The following APP variants were observed in gnomAD, a reference collection of about 807,000 sequenced individuals.
The protein encoded by APP is amyloid beta precursor protein.
Under a neutral mutation model 101.4 loss-of-function variants are expected in APP, and 31 were observed. That is an observed-to-expected ratio of 0.31 (90% CI 0.23 to 0.41). APP has a LOEUF of 0.41. Among genes scored for constraint, APP ranks in the 10% least tolerant of loss-of-function variants. The probability of loss-of-function intolerance (pLI) is 1.00; values close to 1 mark genes in which losing one functional copy is unlikely to be tolerated. For synonymous variants in APP, 366 were observed against 364.4 expected, an observed-to-expected ratio of 1.00 and a Z score of -0.05; for missense variants, 839 against 1,003.7, an observed-to-expected ratio of 0.84 and a Z score of 2.22.
chr21:26,094,220 T>C (rs1300641559), intron 2 of APP, among the ~76,000 whole-genome samples: 1 of 152,196 alleles, frequency 6.6e-6, no homozygotes, highest in East Asian at 1.9e-4. Flanking sequence ...CAGTTACTTT[T>C]ATTCAGAGAT....
At chr21:25,964,202 T>C (rs575943558) in intron 11 of APP, among the ~76,000 whole-genome samples, 19 of 152,296 alleles carry the variant, frequency 1.2e-4, no homozygotes, top group African/African-American at 4.3e-4. Context: ...CGCAGGAGCA[T>C]CTAGGAGTCA....
At chr21:25,984,851 A>C (rs2042578369) in intron 8 of APP, among the ~76,000 whole-genome samples, 1 of 152,246 alleles carries the variant, frequency 6.6e-6, no homozygotes, top group African/African-American at 2.4e-5. Flanking sequence ...TGTTTGAAAC[A>C]AATGAAAATG....
chr21:25,907,297 TG>T (rs1438370441), intron 14 of APP, among the ~76,000 whole-genome samples: 1 of 152,222 alleles, frequency 6.6e-6, no homozygotes. Context: ...TATAAATTAA[TG>T]CTCAAAAAAT....
rs1346981303 is a variant in APP at position 25,902,439 on chromosome 21, A to AAAATCTTTCATAACCTCTCTGGAAGCC, written c.1963+2584_1963+2585insGGCTTCCAGAGAGGTTATGAAAGATTT. The stretch of plus-strand genomic sequence containing the variant: ...AAACAGAACACACGCATGGCTTAAT[A>AAAATCTTTCATAACCTCTCTGGAAGCC]CATGTGCAGTAAATACTGCTATTCA... On this transcript the variant is annotated intron_variant, in intron 15 of 17. Coordinates refer to ENST00000346798, the MANE Select transcript of APP (RefSeq NM_000484.4). Among the ~76,000 whole-genome samples, 14 of 151,832 alleles carry AAAATCTTTCATAACCTCTCTGGAAGCC rather than the reference A, an allele frequency of 9.2e-5. No homozygotes were observed. In the East Asian group the frequency reaches 1.0e-3, roughly 11 times the overall value.
At chr21:26,040,000 TC>T (rs1403989556) in intron 5 of APP, among the ~76,000 whole-genome samples, 1 of 152,206 alleles carries the variant, frequency 6.6e-6, no homozygotes, top group Admixed American at 6.5e-5. Flanking sequence ...CAGATTTTTT[TC>T]AAATTTTGGG....
intron 11 of APP, 106 bp downstream of exon 11, chr21:25,974,964 A>G (rs1601084620): frequency 1.3e-6 from 2 of 1,508,950 alleles, no homozygotes; most frequent in African/African-American, 1.4e-5. Context: ...AACAGTGCTC[A>G]AGGCATTTCT....
chr21:25,930,296 G>A (rs1029737778), intron 13 of APP, among the ~76,000 whole-genome samples: 6 of 152,196 alleles, frequency 3.9e-5, no homozygotes, highest in Non-Finnish European at 8.8e-5. Context: ...AAGGATCCTG[G>A]GGCGGGCCCA....
At chr21:25,893,628 C>G (rs1190498022) in intron 16 of APP, among the ~76,000 whole-genome samples, 1 of 152,114 alleles carries the variant, frequency 6.6e-6, no homozygotes, top group Non-Finnish European at 1.5e-5. Flanking sequence ...CAACTGTCTT[C>G]AATTCTATGA....
At chr21:26,091,812 C>A (rs1166686523) in intron 2 of APP, among the ~76,000 whole-genome samples, 1 of 152,064 alleles carries the variant, frequency 6.6e-6, no homozygotes, top group Non-Finnish European at 1.5e-5. Context: ...ATTCCCACCT[C>A]TAGGGGCAAC....
intron 2 of APP, among the ~76,000 whole-genome samples, chr21:26,105,697 G>T (rs2256331): frequency 0.44 from 67,498 of 151,980 alleles, 16,764 homozygotes; most frequent in East Asian, 0.61. Flanking sequence ...GAGAATTCAA[G>T]ATGCACAATT....
At chr21:26,167,947 G>C (rs1181687472) in intron 1 of APP, among the ~76,000 whole-genome samples, 1 of 152,122 alleles carries the variant, frequency 6.6e-6, no homozygotes, top group Non-Finnish European at 1.5e-5. Flanking sequence ...TTACTATTCT[G>C]TGTGTCGGCT....
chr21:26,141,814 T>C (rs547930257), intron 1 of APP, among the ~76,000 whole-genome samples: 1 of 152,290 alleles, frequency 6.6e-6, no homozygotes, highest in South Asian at 2.1e-4. Flanking sequence ...AAAGAAATAA[T>C]ATCAACAGTT....
chr21:25,894,903 G>GCAGC (rs1033981032), intron 16 of APP, among the ~76,000 whole-genome samples: 1 of 152,134 alleles, frequency 6.6e-6, no homozygotes, highest in African/African-American at 2.4e-5. Flanking sequence ...GTCAATCGAT[G>GCAGC]CAGCAAACTT....
In APP at chr21:26,084,528, G is replaced by A. The variant is rs2061665959; in HGVS notation, c.355+5415C>T. Reference sequence around the variant, plus strand: ...TTCTGGGATTACAGGCGTGAGCACCGCGCCCGGCCGAAGACACCATTTTTA... The same window carrying A: ...TTCTGGGATTACAGGCGTGAGCACCACGCCCGGCCGAAGACACCATTTTTA... On this transcript the variant is annotated intron_variant, in intron 3 of 17. Coordinates refer to ENST00000346798, the MANE Select transcript of APP (RefSeq NM_000484.4). 9.8e-5 allele frequency among the ~76,000 whole-genome samples: 3 copies of A among 30,714 alleles called. No individual in the cohort carries two copies. In the South Asian group the frequency reaches 4.8e-3, roughly 49 times the overall value. The allele number at this position is 30,714 out of a possible 152,430, so 20.1% of individuals were successfully genotyped here.
intron 5 of APP, among the ~76,000 whole-genome samples, chr21:26,039,691 C>T (rs1476019463): frequency 1.3e-5 from 2 of 152,192 alleles, no homozygotes; most frequent in Non-Finnish European, 2.9e-5. Flanking sequence ...TCATCAGTTG[C>T]ACCTTCAAAT....
chr21:25,962,956 A>C (rs918801025), intron 11 of APP, among the ~76,000 whole-genome samples: 33 of 152,042 alleles, frequency 2.2e-4, no homozygotes, highest in African/African-American at 7.5e-4. Flanking sequence ...CTGGGATTAC[A>C]GGCGTGCACC....
chr21:25,996,640 A>G (rs2043066610), intron 8 of APP, among the ~76,000 whole-genome samples: 1 of 152,226 alleles, frequency 6.6e-6, no homozygotes, highest in African/African-American at 2.4e-5. Flanking sequence ...TTATTATTAA[A>G]ATTATTAATG....
At chr21:26,025,122 T>TG (rs2044512433) in intron 5 of APP, among the ~76,000 whole-genome samples, 1 of 152,174 alleles carries the variant, frequency 6.6e-6, no homozygotes. Context: ...CTTTTTTTTT[T>TG]GACTGCCCAA....
chr21:26,060,928 G>A (rs565924594), intron 3 of APP, among the ~76,000 whole-genome samples: 4 of 152,276 alleles, frequency 2.6e-5, no homozygotes, highest in South Asian at 4.2e-4. Flanking sequence ...CTGACTGCAC[G>A]GGGCCTTAAA....
Sources: gnomAD v4.1 joint callset for allele counts (sites outside exome capture counted in the v4.1 genomes callset) on GRCh38, gnomAD v4.1.1 for gene constraint, MANE v1.5 for transcripts, NCBI Gene and HGNC (gene_info 2026-07-23, HGNC 2026-07-21) for gene names.